Variants in SPECC1 observed in about 807,000 individuals in gnomAD.
SPECC1 encodes the protein sperm antigen with calponin homology and coiled-coil domains 1.
Under a neutral mutation model 104.1 loss-of-function variants are expected in SPECC1, and 62 were observed. The ratio of observed to expected loss-of-function variants is 0.60; its 90% CI spans 0.49 to 0.74. The LOEUF (loss-of-function observed/expected upper bound fraction) is 0.74. SPECC1 is among the 30% of genes least tolerant of loss of function. The probability of loss-of-function intolerance (pLI) is 0.00; values close to 1 mark genes in which losing one functional copy is unlikely to be tolerated. For missense variants in SPECC1, 1,306 were observed against 1,310.5 expected (o/e 1.00, Z 0.05); for synonymous variants, 513 against 501.6 (o/e 1.02, Z -0.30).
chr17:20,014,184 T>TAAATTAAA (rs1209588792), intron 1 of SPECC1, among the ~76,000 whole-genome samples: 10 of 152,216 alleles, frequency 6.6e-5, no homozygotes, highest in African/African-American at 2.4e-4. Context: ...TAATTTGGAT[T>TAAATTAAA]TTCCTGATGA....
chr17:20,200,171 C>T (rs1042955008), intron 3 of SPECC1, among the ~76,000 whole-genome samples: 1 of 152,094 alleles, frequency 6.6e-6, no homozygotes, highest in African/African-American at 2.4e-5. Flanking sequence ...TAATTTATTG[C>T]ACAGATGTAA....
chr17:20,098,484 C>T (rs534007582), intron 2 of SPECC1, among the ~76,000 whole-genome samples: 5 of 152,322 alleles, frequency 3.3e-5, no homozygotes, highest in Non-Finnish European at 5.9e-5. Flanking sequence ...TGGCTCTCCC[C>T]ATTCACTCAG....
intron 3 of SPECC1, among the ~76,000 whole-genome samples, chr17:20,119,568 A>C (rs2048927478): frequency 6.6e-6 from 1 of 152,216 alleles, no homozygotes; most frequent in South Asian, 2.1e-4. Context: ...AGTCCTCAAC[A>C]TTTTTGTAGC....
At chr17:20,312,042 A>ATTG (rs1253938364) in intron 14 of SPECC1, among the ~76,000 whole-genome samples, 1 of 152,160 alleles carries the variant, frequency 6.6e-6, no homozygotes, top group African/African-American at 2.4e-5. Context: ...AGGTTAATAG[A>ATTG]TTGTGTATTC....
Position 20,310,739 on chromosome 17 carries a change from G to C in SPECC1, c.3118-3237G>C, listed in dbSNP as rs114584256. On this transcript the variant is annotated intron_variant, in intron 14 of 14. Transcript: ENST00000395527. Reference sequence around the variant, plus strand: ...CAGGACTGGGTGCTGGCATGCCCCCGTGGAGGGAGGTCACCATGCAGCAAT... The same window carrying C: ...CAGGACTGGGTGCTGGCATGCCCCCCTGGAGGGAGGTCACCATGCAGCAAT... Among the ~76,000 whole-genome samples, 963 of 152,306 alleles carry C rather than the reference G, an allele frequency of 6.3e-3. 10 individuals are homozygous for C. The highest frequency in any genetic ancestry group is 0.022 in the African/African-American group (915 of 41,566).
At position 20,122,643 on chromosome 17, in the gene SPECC1, C is replaced by T. The variant is rs147291488; in HGVS notation, c.283+12081C>T. Among the ~76,000 whole-genome samples the T allele has an allele frequency of 1.4e-3, 213 of 152,296 alleles. 1 individual carries two copies. The highest frequency in any genetic ancestry group is 4.7e-3 in the African/African-American group (197 of 41,554). On this transcript the variant is annotated intron_variant, in intron 3 of 14. Transcript: ENST00000395527. Reference sequence around the variant, plus strand: ...CCATTAAACACTCGCTTCCCATTCCCCTTCCCTCAGCTCCCGGCAAGCACC... The same window carrying T: ...CCATTAAACACTCGCTTCCCATTCCTCTTCCCTCAGCTCCCGGCAAGCACC...
chr17:20,055,756 G>A (rs771705216), intron 1 of SPECC1, among the ~76,000 whole-genome samples: 45 of 152,202 alleles, frequency 3.0e-4, no homozygotes, highest in Admixed American at 1.2e-3. Context: ...CATTGGCCAT[G>A]AAGGCTTTGC....
rs557705096 is a variant in SPECC1, at chr17:20,024,724, G to A, written c.-22+15300G>A. The stretch of plus-strand genomic sequence containing the variant: ...TGCTTTGCACAGTGTCTCTAGGGTG[G>A]TCCCAGCTCCAGCCAAGGACTCTGA... On this transcript the variant is annotated intron_variant, in intron 1 of 14. Transcript: ENST00000395527. Among the ~76,000 whole-genome samples the A allele has an allele frequency of 2.6e-5, 4 of 152,216 alleles. No individual in the cohort carries two copies. The South Asian group carries it at 8.3e-4, about 32-fold the overall frequency.
chr17:20,245,064 T>A (rs1832814638), intron 7 of SPECC1, among the ~76,000 whole-genome samples: 1 of 152,202 alleles, frequency 6.6e-6, no homozygotes, highest in South Asian at 2.1e-4. Flanking sequence ...GCAGTGTGAT[T>A]TTAGAGTGCT....
At chr17:20,283,964 T>G (rs985085952) in intron 12 of SPECC1, among the ~76,000 whole-genome samples, 1 of 152,240 alleles carries the variant, frequency 6.6e-6, no homozygotes, top group East Asian at 1.9e-4. Flanking sequence ...AATTTTGTCA[T>G]ATAGAAACTT....
At chr17:20,053,334 T>G (rs2045844718) in intron 1 of SPECC1, among the ~76,000 whole-genome samples, 1 of 152,250 alleles carries the variant, frequency 6.6e-6, no homozygotes, top group African/African-American at 2.4e-5. Flanking sequence ...CATTGCCTGT[T>G]GGACATTTGA....
At position 20,087,515 on chromosome 17, in the gene SPECC1, C is replaced by T. The variant is rs143604964; in HGVS notation, c.-21-9116C>T. On this transcript the variant is annotated intron_variant, in intron 1 of 14. Transcript: ENST00000395527. ...CTTCCAGTTCTCTTTTGTGCTTGCC[C>T]GTTAATTCAGCACCTATTTAGTGAG... Among the ~76,000 whole-genome samples, 510 of 152,176 alleles carry T rather than the reference C, an allele frequency of 3.4e-3. 3 individuals carry two copies. The highest frequency in any genetic ancestry group is 0.012 in the African/African-American group (478 of 41,498).
intron 1 of SPECC1, among the ~76,000 whole-genome samples, chr17:20,070,568 T>C (rs2152480939): frequency 6.6e-6 from 1 of 152,306 alleles, no homozygotes; most frequent in Admixed American, 6.5e-5. Context: ...ACATCTATTA[T>C]CACTTTTAAT....
chr17:20,170,928 T>G (rs1263365249), intron 3 of SPECC1, among the ~76,000 whole-genome samples: 1 of 152,180 alleles, frequency 6.6e-6, no homozygotes, highest in African/African-American at 2.4e-5. Context: ...AGAATTCATC[T>G]CTTTCTCTAA....
chr17:20,105,440 C>T (rs1410209366), intron 2 of SPECC1, among the ~76,000 whole-genome samples: 2 of 152,280 alleles, frequency 1.3e-5, no homozygotes, highest in Non-Finnish European at 2.9e-5. Flanking sequence ...GCTCCCTTCA[C>T]CACTCCCTGG....
At chr17:20,033,731 C>T (rs933957978) in intron 1 of SPECC1, among the ~76,000 whole-genome samples, 7 of 152,134 alleles carry the variant, frequency 4.6e-5, no homozygotes, top group Non-Finnish European at 8.8e-5. Flanking sequence ...ATATGCCACC[C>T]CCATGACTCA....
At chr17:20,030,325 C>A (rs1192821608) in intron 1 of SPECC1, among the ~76,000 whole-genome samples, 1 of 151,796 alleles carries the variant, frequency 6.6e-6, no homozygotes, top group Non-Finnish European at 1.5e-5. Context: ...CTATGTAGTT[C>A]TATTGTCTTC....
At chr17:20,216,542 G>A (rs141054588) in intron 4 of SPECC1, among the ~76,000 whole-genome samples, 139 of 152,138 alleles carry the variant, frequency 9.1e-4, no homozygotes, top group Admixed American at 2.7e-3. Flanking sequence ...GGTGGAGGAG[G>A]TGACCCTTGA....
In SPECC1 at chr17:20,214,101, T is replaced by G. The variant is rs557288687; in HGVS notation, c.1863+8189T>G. The stretch of plus-strand genomic sequence containing the variant: ...AATCTATGTTTTGGCTCTGTGGACT[T>G]GGGTCTTCTGGATGTTTTATACACA... On this transcript the variant is annotated intron_variant, in intron 4 of 14. Coordinates refer to ENST00000395527, the MANE Select transcript of SPECC1 (RefSeq NM_001243439.2). 6.6e-5 allele frequency among the ~76,000 whole-genome samples: 10 copies of G among 152,352 alleles called. No individual in the cohort carries two copies. In the South Asian group the frequency reaches 2.1e-3, roughly 32 times the overall value.
Sources: gnomAD v4.1 joint callset for allele counts (sites outside exome capture counted in the v4.1 genomes callset) on GRCh38, gnomAD v4.1.1 for gene constraint, MANE v1.5 for transcripts, NCBI Gene and HGNC (gene_info 2026-07-23, HGNC 2026-07-21) for gene names.